The following SEPTIN9 variants were observed in gnomAD, a reference collection of about 807,000 sequenced individuals.
The protein encoded by SEPTIN9 is septin-9.
Under a neutral mutation model 56.6 loss-of-function variants are expected in SEPTIN9, and 13 were observed. The ratio of observed to expected loss-of-function variants is 0.23; its 90% CI spans 0.15 to 0.37. SEPTIN9 has a LOEUF of 0.37. Among genes scored for constraint, SEPTIN9 ranks in the 10% least tolerant of loss-of-function variants. SEPTIN9 has a pLI of 1.00. For missense variants in SEPTIN9, 650 were observed against 823.1 expected, an observed-to-expected ratio of 0.79 and a Z score of 2.57; for synonymous variants, 332 against 334.1, an observed-to-expected ratio of 0.99 and a Z score of 0.07.
chr17:77,498,463 C>G, intron 11 of SEPTIN9, 60 bp from the exon 12 acceptor site: 1 of 828,016 alleles, frequency 1.2e-6, no homozygotes, highest in Non-Finnish European at 2.0e-6. Context: ...GGGCCCCTGC[C>G]CCGCTGCCCC....
intron 3 of SEPTIN9, among the ~76,000 whole-genome samples, chr17:77,477,966 G>A (rs1287533361): frequency 6.6e-6 from 1 of 152,102 alleles, no homozygotes; most frequent in East Asian, 1.9e-4. Context: ...AGGTGCGATG[G>A]GGATCTCAAC....
rs1224820433 is a variant in SEPTIN9, at chr17:77,428,413, G to A, written c.721+25710G>A. Among the ~76,000 whole-genome samples the A allele has an allele frequency of 4.6e-5, 7 of 152,320 alleles. No individual in the cohort carries two copies. In the East Asian group the frequency reaches 1.4e-3, roughly 29 times the overall value. The stretch of plus-strand genomic sequence containing the variant: ...CAGGTGGACACTGTACCTACTGGCA[G>A]ATCAGCTGACCTTGGTGCCTTCTGG... On this transcript the variant is annotated intron_variant, in intron 3 of 11. Coordinates refer to ENST00000427177, the MANE Select transcript of SEPTIN9 (RefSeq NM_001113491.2).
intron 2 of SEPTIN9, among the ~76,000 whole-genome samples, chr17:77,307,674 A>C (rs1277400723): frequency 6.6e-6 from 1 of 152,262 alleles, no homozygotes; most frequent in South Asian, 2.1e-4. Flanking sequence ...GGCCTCTGGC[A>C]GTGGTCACTG....
rs970421257 is a variant in SEPTIN9 at position 77,500,278 on chromosome 17, C to T, written c.*1620C>T. 5 of 229,540 alleles carry T rather than the reference C, an allele frequency of 2.2e-5. No individual in the cohort carries two copies. Among genetic ancestry groups the T allele is most frequent in the East Asian group, 6.2e-5 (1 of 16,150 alleles). 14.2% of individuals were successfully genotyped at this position (229,540 alleles called of 1,614,324 possible). A position where few individuals can be genotyped will look rare whatever the true frequency, so the allele number is the denominator to read the frequency against. Reference sequence around the variant, plus strand: ...CCACTGGTGAGACAGTTTACTTTGCCAACTTGCCATGTTTTTGCCAAAACC... The same window carrying T: ...CCACTGGTGAGACAGTTTACTTTGCTAACTTGCCATGTTTTTGCCAAAACC... On this transcript the variant is annotated 3_prime_UTR_variant, in exon 12 of 12. Transcript: ENST00000427177.
rs1213678365 is a variant in SEPTIN9 at position 77,345,934 on chromosome 17, GTT to G, written c.76+38740_76+38741del. ...TTCCAGATTCTTTGTTTTTTTTGTT[GTT>G]TTGTTTTGTTTTGTTTTGTTTTGTT... On this transcript the variant is annotated intron_variant, in intron 2 of 11. Transcript: ENST00000427177. 1.7e-3 allele frequency among the ~76,000 whole-genome samples: 16 copies of G among 9,634 alleles called. No homozygotes were observed. The East Asian group carries it at 0.025, about 15-fold the overall frequency. The allele number at this position is 9,634 out of a possible 152,430, so 6.3% of individuals were successfully genotyped here. A position where few individuals can be genotyped will look rare whatever the true frequency, so the allele number is the denominator to read the frequency against.
intron 3 of SEPTIN9, among the ~76,000 whole-genome samples, chr17:77,455,162 T>A (rs72896179): frequency 0.037 from 5,654 of 152,238 alleles, 198 homozygotes; most frequent in South Asian, 0.1. Context: ...ATTTGTCACT[T>A]TCCCTAAGCT....
intron 3 of SEPTIN9, among the ~76,000 whole-genome samples, chr17:77,461,160 G>T (rs1422650912): frequency 3.9e-5 from 6 of 151,946 alleles, no homozygotes; most frequent in Non-Finnish European, 8.8e-5. Context: ...CAAAAAATTG[G>T]CTGGGTGTGG....
chr17:77,408,453 CG>C (rs975272665), intron 3 of SEPTIN9, among the ~76,000 whole-genome samples: 10 of 152,184 alleles, frequency 6.6e-5, no homozygotes, highest in Non-Finnish European at 1.2e-4. Flanking sequence ...CAGGCCCCCC[CG>C]AGCTGATGAT....
chr17:77,314,726 C>T (rs1289509296), intron 2 of SEPTIN9, among the ~76,000 whole-genome samples: 1 of 152,212 alleles, frequency 6.6e-6, no homozygotes, highest in Admixed American at 6.5e-5. Flanking sequence ...GACCCTTTCC[C>T]GAAGGCCCCT....
At chr17:77,320,252 A>G (rs2032859498) in intron 2 of SEPTIN9, 1 of 1,610,578 alleles carries the variant, frequency 6.2e-7, no homozygotes, top group Non-Finnish European at 8.5e-7. Flanking sequence ...AGGGAGGGCG[A>G]CGGGGGTGAG....
intron 2 of SEPTIN9, among the ~76,000 whole-genome samples, chr17:77,401,235 A>G (rs990969683): frequency 6.6e-5 from 10 of 152,102 alleles, no homozygotes; most frequent in African/African-American, 2.4e-4. Context: ...TGAGCTCGGT[A>G]GGCCCGGCGC....
rs564004931 is a variant in SEPTIN9, at chr17:77,325,087, G to A, written c.76+17890G>A. Among the ~76,000 whole-genome samples, 3 of 152,214 alleles carry A rather than the reference G, an allele frequency of 2.0e-5. No homozygotes were observed. The East Asian group carries it at 5.8e-4, about 29-fold the overall frequency. On this transcript the variant is annotated intron_variant, in intron 2 of 11. Transcript: ENST00000427177. Reference sequence around the variant, plus strand: ...ACCCGTCTCGGCCTCCCAAAGTGCCGGAGTTACAGGCGTGAGTCACCGCAC... The same window carrying A: ...ACCCGTCTCGGCCTCCCAAAGTGCCAGAGTTACAGGCGTGAGTCACCGCAC...
intron 3 of SEPTIN9, among the ~76,000 whole-genome samples, chr17:77,468,030 C>T (rs1220063480): frequency 6.6e-6 from 1 of 152,120 alleles, no homozygotes; most frequent in African/African-American, 2.4e-5. Context: ...CTTTGGGAGG[C>T]AGAGGCGGGC....
chr17:77,467,457 G>A (rs893521262), intron 3 of SEPTIN9, among the ~76,000 whole-genome samples: 1 of 152,114 alleles, frequency 6.6e-6, no homozygotes, highest in African/African-American at 2.4e-5. Context: ...GGGAGTGGGC[G>A]GGGAAGAGGG....
At chr17:77,411,947 T>C (rs1217828072) in intron 3 of SEPTIN9, among the ~76,000 whole-genome samples, 1 of 151,632 alleles carries the variant, frequency 6.6e-6, no homozygotes, top group Non-Finnish European at 1.5e-5. Context: ...CTGGCCAACA[T>C]GGTGAAACCC....
rs2040082682 is a variant in SEPTIN9, at chr17:77,492,711, T to G, written c.1471T>G (p.Phe491Val). ...DSEDRLVNEK[F>V]REMIPFAVVG... is the part of the protein sequence containing the mutation. The stretch of plus-strand genomic sequence containing the variant: ...GGAGGACCGGCTGGTGAACGAGAAG[T>G]TCCGGGTGAGTGGATCCACTAGGAT... The change falls in exon 9 of 12, where the codon TTC becomes GTC. Residue 491 changes from phenylalanine (F) to valine (V), a missense_variant. Around this residue, in one of 2 missense-constraint regions of SEPTIN9, gnomAD observed 333 missense variants for 494.0 expected, o/e 0.67. Transcript: ENST00000427177. This position sits in a 1 kb window ranked among gnomAD's most constrained non-coding sequence, Gnocchi z 5.4. 6.2e-7 allele frequency: 1 copy of G among 1,613,582 alleles called. No individual in the cohort carries two copies.
At chr17:77,325,873 C>T (rs1705186276) in intron 2 of SEPTIN9, among the ~76,000 whole-genome samples, 1 of 152,152 alleles carries the variant, frequency 6.6e-6, no homozygotes, top group Admixed American at 6.5e-5. Flanking sequence ...CTCCCACCCA[C>T]CACATGGGTT....
intron 10 of SEPTIN9, 42 bp downstream of exon 10, chr17:77,493,118 C>A: frequency 6.9e-7 from 1 of 1,439,984 alleles, no homozygotes; most frequent in Non-Finnish European, 9.6e-7. Context: ...GATGGGAAGA[C>A]AGTCTCTTCT....
intron 1 of SEPTIN9, 42 bp downstream of exon 1, chr17:77,281,596 G>C (rs1260277047): frequency 2.0e-5 from 31 of 1,524,528 alleles, no homozygotes; most frequent in Non-Finnish European, 2.6e-5. Flanking sequence ...GGTGTCCCGG[G>C]ACCAGCGCTG....
Sources: gnomAD v4.1 joint callset for allele counts (sites outside exome capture counted in the v4.1 genomes callset) on GRCh38, gnomAD v4.1.1 for gene constraint, gnomAD v4.1.1 regional missense constraint, Gnocchi (gnomAD v3.1) non-coding constraint, MANE v1.5 for transcripts, NCBI Gene and HGNC (gene_info 2026-07-23, HGNC 2026-07-21) for gene names.